SLFN14: variants seen among roughly 807,000 people sequenced by gnomAD.
The protein encoded by SLFN14 is protein SLFN14.
A neutral mutation model predicts 58.6 loss-of-function variants in SLFN14; 47 were observed. The ratio of observed to expected loss-of-function variants is 0.80; its 90% confidence interval spans 0.64 to 1.02. The LOEUF (loss-of-function observed/expected upper bound fraction) is 1.02. SLFN14 is among the 50% of genes least tolerant of loss of function. The probability of loss-of-function intolerance (pLI) is 0.00; values close to 1 mark genes in which losing one functional copy is unlikely to be tolerated. For missense variants in SLFN14, 967 were observed against 1,078.4 expected (o/e 0.90, Z 1.45); for synonymous variants, 390 against 387.3 (o/e 1.01, Z -0.08).
Position 35,548,410 on chromosome 17 carries a change from C to A in SLFN14, c.2568G>T (p.Trp856Cys). ...EVVFSPATGVWGSHIVLDSIQ... is the reference protein window; with the variant it reads ...EVVFSPATGVCGSHIVLDSIQ... Reference sequence around the variant, plus strand: ...TACTGTCTAAAACAATGTGACTTCCCCAAACACCGGTGGCCGGGCTAAACA... The same window carrying A: ...TACTGTCTAAAACAATGTGACTTCCACAAACACCGGTGGCCGGGCTAAACA... The change falls in exon 6 of 6, where the codon TGG becomes TGT. Residue 856 changes from tryptophan (W) to cysteine (C), a missense_variant. By Grantham distance (215) the Trp-to-Cys change is radical (BLOSUM62 -2). Coordinates refer to ENST00000674182, the MANE Select transcript of SLFN14 (RefSeq NM_001129820.2). The A allele has an allele frequency of 6.4e-7, 1 of 1,551,720 alleles. No homozygotes were observed.
At chr17:35,550,305 C>T (rs1023541488) in intron 5 of SLFN14, among the ~76,000 whole-genome samples, 33 of 152,122 alleles carry the variant, frequency 2.2e-4, no homozygotes, top group Non-Finnish European at 4.4e-5. Flanking sequence ...CAGCACTTTG[C>T]GAGAAGGAGG....
rs1222618760 is a variant in SLFN14, at chr17:35,547,673, C to T, written c.*566G>A. Among the ~76,000 whole-genome samples the T allele has an allele frequency of 1.3e-5, 2 of 152,178 alleles. No homozygotes were observed. The highest frequency in any genetic ancestry group is 3.8e-4 in the East Asian group (2 of 5,200). ...AGTTCTGGACCTGGAAAGCTTGAGA[C>T]CCATAGCCAGTATGAGGTGCCAGTC... On this transcript the variant is annotated 3_prime_UTR_variant, in exon 6 of 6. Coordinates refer to ENST00000674182, the MANE Select transcript of SLFN14 (RefSeq NM_001129820.2).
intron 2 of SLFN14, among the ~76,000 whole-genome samples, chr17:35,559,215 G>T (rs1486493811): frequency 6.6e-6 from 1 of 151,854 alleles, no homozygotes; most frequent in Non-Finnish European, 1.5e-5. Context: ...AGCAGAGTGG[G>T]AACCTGTCTA....
At position 35,551,240 on chromosome 17, in the gene SLFN14, T is replaced by G. The variant is rs532127711; in HGVS notation, c.1904+1490A>C. On this transcript the variant is annotated intron_variant, in intron 5 of 5. Coordinates refer to ENST00000674182, the MANE Select transcript of SLFN14 (RefSeq NM_001129820.2). Reference sequence around the variant, plus strand: ...TTAAACTAAAAACACAAATCACTTTTGTGACACTCTTGAAAAGACTGACTA... The same window carrying G: ...TTAAACTAAAAACACAAATCACTTTGGTGACACTCTTGAAAAGACTGACTA... Among the ~76,000 whole-genome samples, 6 of 152,358 alleles carry G rather than the reference T, an allele frequency of 3.9e-5. No homozygotes were observed. The East Asian group carries it at 1.2e-3, about 29-fold the overall frequency.
rs773175684 is a variant in SLFN14 at position 35,545,091 on chromosome 17, C to T, written c.*3148G>A. Among the ~76,000 whole-genome samples the T allele has an allele frequency of 2.6e-5, 4 of 152,168 alleles. No individual in the cohort carries two copies. The highest frequency in any genetic ancestry group is 4.4e-5 in the Non-Finnish European group (3 of 68,016). On this transcript the variant is annotated 3_prime_UTR_variant, in exon 6 of 6. Coordinates refer to ENST00000674182, the MANE Select transcript of SLFN14 (RefSeq NM_001129820.2). ...TAATCTTACATTTGAATCTAATGAA[C>T]TATCATCATAGATCCTTAATTTGAC... is the stretch of plus-strand genomic sequence containing the variant.
chr17:35,559,212 T>G (rs1207372907), intron 2 of SLFN14, among the ~76,000 whole-genome samples: 2 of 151,882 alleles, frequency 1.3e-5, no homozygotes, highest in African/African-American at 4.8e-5. Flanking sequence ...GGCAGCAGAG[T>G]GGGAACCTGT....
chr17:35,558,899 G>T (rs1374727508), intron 2 of SLFN14, among the ~76,000 whole-genome samples: 1 of 152,086 alleles, frequency 6.6e-6, no homozygotes, highest in African/African-American at 2.4e-5. Flanking sequence ...TATATGTACT[G>T]TAGAAGATCT....
rs141626804 is a variant in SLFN14 at position 35,555,998 on chromosome 17, T to A, written c.1060+1005A>T. Among the ~76,000 whole-genome samples, 532 of 152,286 alleles carry A rather than the reference T, an allele frequency of 3.5e-3. 6 individuals carry two copies. The highest frequency in any genetic ancestry group is 0.012 in the African/African-American group (502 of 41,554). On this transcript the variant is annotated intron_variant, in intron 3 of 5. Coordinates refer to ENST00000674182, the MANE Select transcript of SLFN14 (RefSeq NM_001129820.2). ...TCAACAATGTTTTGCTTGAAAGAAT[T>A]AGTGGAGTAGTGGAGTCATTTATTT...
In SLFN14 at chr17:35,548,536, A is replaced by G. The variant is rs2072553673; in HGVS notation, c.2442T>C (p.Asp814=). 6.4e-7 allele frequency: 1 copy of G among 1,551,730 alleles called. No homozygotes were observed. The highest frequency in any genetic ancestry group is 8.7e-7 in the Non-Finnish European group (1 of 1,146,998). The change falls in exon 6 of 6, where the codon GAT becomes GAC. Residue 814 remains aspartate (D), a synonymous_variant. Transcript: ENST00000674182. ...CCCCTCTCCTGCACAGAATTGCTAT[A>G]TCTTTGGGCAGATAGCCACACTGGA... ...SLFQCGYLPK[D]IAILCRRGED... is the part of the protein sequence containing the mutation.
Position 35,548,822 on chromosome 17 carries a change from G to A in SLFN14, c.2156C>T (p.Pro719Leu), listed in dbSNP as rs887268576. The A allele has an allele frequency of 1.3e-6, 2 of 1,551,614 alleles. No homozygotes were observed. The highest frequency in any genetic ancestry group is 1.4e-5 in the African/African-American group (1 of 73,058). The change falls in exon 6 of 6, where the codon CCA becomes CTA. Residue 719 changes from proline (P) to leucine (L), a missense_variant. By Grantham distance (98) the Pro-to-Leu change is moderately conservative (BLOSUM62 -3). Coordinates refer to ENST00000674182, the MANE Select transcript of SLFN14 (RefSeq NM_001129820.2). ...HHADVNGLPP[P>L]SAQFPRKTIT... ...TGTTTTTCGAGGAAACTGAGCAGATGGAGGGGGAAGGCCATTGACATCTGC... is the reference window on the plus strand; with the variant it reads ...TGTTTTTCGAGGAAACTGAGCAGATAGAGGGGGAAGGCCATTGACATCTGC...
intron 3 of SLFN14, among the ~76,000 whole-genome samples, chr17:35,555,510 C>A (rs531776670): frequency 6.1e-4 from 92 of 151,626 alleles, no homozygotes; most frequent in African/African-American, 2.1e-3. Flanking sequence ...TGAGATCGTG[C>A]CGCTGCACTC....
In SLFN14 at chr17:35,548,419, G is replaced by C; in HGVS notation, c.2559C>G (p.Thr853=). Residue 853 remains threonine, a synonymous_variant, in exon 6 of 6, where the codon ACC becomes ACG. Coordinates refer to ENST00000674182, the MANE Select transcript of SLFN14 (RefSeq NM_001129820.2). ...AAACAATGTGACTTCCCCAAACACC[G>C]GTGGCCGGGCTAAACACAACCTCTG... The part of the protein sequence containing the change: ...RPSEVVFSPA[T]GVWGSHIVLD... 6.4e-7 allele frequency: 1 copy of C among 1,551,690 alleles called. No homozygotes were observed. The highest frequency in any genetic ancestry group is 8.7e-7 in the Non-Finnish European group (1 of 1,146,998).
chr17:35,547,629 T>C lies in SLFN14; in HGVS notation c.*610A>G, dbSNP rs114028500. ...CATCCCCAAGAGACTGATCTAGACT[T>C]GGTACAAAAAGGCAATCAAGTTCTG... On this transcript the variant is annotated 3_prime_UTR_variant, in exon 6 of 6. Transcript: ENST00000674182. Among the ~76,000 whole-genome samples the C allele has an allele frequency of 0.015, 2,268 of 152,274 alleles. 49 individuals are homozygous for C. The highest frequency in any genetic ancestry group is 0.045 in the African/African-American group (1,868 of 41,546).
At chr17:35,558,151 C>A in intron 2 of SLFN14, 45 bp from the exon 3 acceptor site, 2 of 1,145,692 alleles carry the variant, frequency 1.7e-6, no homozygotes, top group African/African-American at 1.6e-5. Flanking sequence ...ATAAGAATTC[C>A]AAAGATTACA....
At chr17:35,556,114 T>C (rs1359406565) in intron 3 of SLFN14, among the ~76,000 whole-genome samples, 2 of 152,118 alleles carry the variant, frequency 1.3e-5, no homozygotes, top group African/African-American at 2.4e-5. Context: ...CTTGGCTGAC[T>C]ACAACCTCCA....
At position 35,548,734 on chromosome 17, in the gene SLFN14, C is replaced by A; in HGVS notation, c.2244G>T (p.Arg748Ser). 6.4e-7 allele frequency: 1 copy of A among 1,551,704 alleles called. No homozygotes were observed. The highest frequency in any genetic ancestry group is 8.7e-7 in the Non-Finnish European group (1 of 1,146,992). ...IAKVMKEEMK[R>S]IKENPPSNMS... ...TGTTGGAGGGAGGATTTTCTTTGATCCTCTTCATTTCTTCTTTCATAACCT... is the reference window on the plus strand; with the variant it reads ...TGTTGGAGGGAGGATTTTCTTTGATACTCTTCATTTCTTCTTTCATAACCT... Residue 748 changes from arginine (R) to serine (S), a missense_variant, in exon 6 of 6, where the codon AGG becomes AGT. Arg to Ser is a moderately radical substitution (Grantham distance 110). Coordinates refer to ENST00000674182, the MANE Select transcript of SLFN14 (RefSeq NM_001129820.2).
intron 4 of SLFN14, among the ~76,000 whole-genome samples, chr17:35,553,815 T>G (rs2072621641): frequency 6.6e-6 from 1 of 152,104 alleles, no homozygotes; most frequent in African/African-American, 2.4e-5. Context: ...ATTTTTGTAT[T>G]TTTAGTAGAG....
chr17:35,558,431 AT>A (rs978854162), intron 2 of SLFN14, among the ~76,000 whole-genome samples: 12 of 149,396 alleles, frequency 8.0e-5, no homozygotes, highest in South Asian at 2.1e-4. Context: ...AGCCTGGCTA[AT>A]TTTTTTTTTC....
At chr17:35,553,618 C>G in intron 4 of SLFN14, 174 bp from the exon 5 acceptor site, 1 of 600,872 alleles carries the variant, frequency 1.7e-6, no homozygotes, top group Admixed American at 3.3e-5. Flanking sequence ...CCCATCCCCA[C>G]GGACATTTGG....
Sources: gnomAD v4.1 joint callset for allele counts (sites outside exome capture counted in the v4.1 genomes callset) on GRCh38, gnomAD v4.1.1 for gene constraint, MANE v1.5 for transcripts, NCBI Gene and HGNC (gene_info 2026-07-23, HGNC 2026-07-21) for gene names.